Variants in MYL4 observed in about 807,000 individuals in gnomAD.
MYL4 encodes atrial myosin light chain 1.
In MYL4, 16 loss-of-function variants were observed where a neutral mutation model predicts 21.6. The observed-to-expected ratio is 0.74, with a 90% CI of 0.50 to 1.12. The LOEUF is 1.12. MYL4 is among the 50% of genes most tolerant of loss of function. The probability of loss-of-function intolerance (pLI) is 0.00; values close to 1 mark genes in which losing one functional copy is unlikely to be tolerated. For synonymous variants in MYL4, 82 were observed against 95.7 expected (o/e 0.86, Z 0.83); for missense variants, 249 against 252.9 (o/e 0.98, Z 0.11).
chr17:47,199,892 T>C (rs139374459), upstream of MYL4, among the ~76,000 whole-genome samples: 2,355 of 151,530 alleles, frequency 0.016, 48 homozygotes, highest in African/African-American at 0.05. Flanking sequence ...TGTGCCACCA[T>C]ACCTGGCTAA....
upstream of MYL4, among the ~76,000 whole-genome samples, chr17:47,199,550 GT>G (rs1437141183): frequency 6.6e-6 from 1 of 151,968 alleles, no homozygotes; most frequent in Non-Finnish European, 1.5e-5. Flanking sequence ...ACTGTCTGGT[GT>G]AGAGGATGCA....
chr17:47,193,611 C>T, the MYL4 span, among the ~76,000 whole-genome samples: 2 of 152,136 alleles, frequency 1.3e-5, no homozygotes, highest in African/African-American at 2.4e-5. Flanking sequence ...GCTCCTCTGC[C>T]AGCCCCTTTA....
At chr17:47,225,287 G>A (rs1461013092), downstream of MYL4, among the ~76,000 whole-genome samples, 1 of 152,226 alleles carries the variant, frequency 6.6e-6, no homozygotes, top group Non-Finnish European at 1.5e-5. Context: ...TTTCTTTGAG[G>A]AAGGGTTTCA....
chr17:47,220,164 C>T lies in MYL4; in HGVS notation c.313+111C>T, dbSNP rs547811554. On this transcript the variant is annotated intron_variant, in intron 3 of 6. Coordinates refer to ENST00000393450, the MANE Select transcript of MYL4 (RefSeq NM_002476.2). ...TGCACTCTCTCTTCTCCTGCTTTAG[C>T]CCCTCAGGACCAGCCTCACCTACCC... The T allele has an allele frequency of 4.1e-5, 55 of 1,332,440 alleles. No homozygotes were observed. The Admixed American group carries it at 1.2e-3, about 29-fold the overall frequency. The allele number at this position is 1,332,440 out of a possible 1,614,324, so 82.5% of individuals were successfully genotyped here.
At chr17:47,213,462 C>T (rs1166696380) in intron 1 of MYL4, among the ~76,000 whole-genome samples, 1 of 152,112 alleles carries the variant, frequency 6.6e-6, no homozygotes. Flanking sequence ...ACTTATAATA[C>T]CTAGTACAAT....
chr17:47,227,145 C>T (rs761211188), downstream of MYL4, among the ~76,000 whole-genome samples: 9 of 152,126 alleles, frequency 5.9e-5, no homozygotes, highest in South Asian at 4.1e-4. Context: ...TGTGAGCCAC[C>T]GCGCCCAGCC....
the MYL4 span, among the ~76,000 whole-genome samples, chr17:47,195,078 G>A: frequency 2.5e-5 from 3 of 121,008 alleles, no homozygotes; most frequent in African/African-American, 9.9e-5. Flanking sequence ...TTTTTTTTGA[G>A]ACAGAGTCTC....
chr17:47,212,768 G>A (rs2064785638), intron 1 of MYL4, among the ~76,000 whole-genome samples: 1 of 152,166 alleles, frequency 6.6e-6, no homozygotes, highest in Non-Finnish European at 1.5e-5. Flanking sequence ...GTCATGTTTG[G>A]GGATTTGGCT....
chr17:47,222,949 G>C, intron 5 of MYL4, 65 bp from the exon 6 acceptor site: 1 of 1,598,212 alleles, frequency 6.3e-7, no homozygotes, highest in Middle Eastern at 1.7e-4. Context: ...GTAGAGAAGG[G>C]ACAAGTGGTT....
upstream of MYL4, among the ~76,000 whole-genome samples, chr17:47,205,943 C>G (rs1312520755): frequency 6.6e-6 from 1 of 152,180 alleles, no homozygotes. Context: ...GGACCTCTCT[C>G]TGGAAGTTCC....
At chr17:47,197,244 G>A (rs1476004724), upstream of MYL4, among the ~76,000 whole-genome samples, 1 of 151,832 alleles carries the variant, frequency 6.6e-6, no homozygotes, top group African/African-American at 2.4e-5. Context: ...GACTATAGGC[G>A]CCCGCCACCA....
chr17:47,202,528 T>C (rs933060767), intron 1 of MYL4, among the ~76,000 whole-genome samples: 1 of 152,218 alleles, frequency 6.6e-6, no homozygotes, highest in African/African-American at 2.4e-5. Context: ...AACTACTTCA[T>C]ATTAGTCATA....
At chr17:47,203,806 G>A (rs775393784) in intron 1 of MYL4, among the ~76,000 whole-genome samples, 1 of 152,184 alleles carries the variant, frequency 6.6e-6, no homozygotes, top group Non-Finnish European at 1.5e-5. Context: ...GTTGAAGGCT[G>A]GGGGTGAATG....
chr17:47,207,022 G>C (rs2149039637), upstream of MYL4, among the ~76,000 whole-genome samples: 1 of 152,254 alleles, frequency 6.6e-6, no homozygotes, highest in South Asian at 2.1e-4. Flanking sequence ...AGGGATTATA[G>C]AAGAGTGCGA....
chr17:47,209,364 G>C lies in MYL4; in HGVS notation c.-59G>C. ...CAGGCTCCTATCTCATCTCCCAGAC[G>C]CCACGTCTCTCGGTTTCTTCTTAGA... On this transcript the variant is annotated 5_prime_UTR_variant, in exon 1 of 7. Coordinates refer to ENST00000393450, the MANE Select transcript of MYL4 (RefSeq NM_002476.2). 6.2e-7 allele frequency: 1 copy of C among 1,611,440 alleles called. No homozygotes were observed. Among genetic ancestry groups the C allele is most frequent in the East Asian group, 2.2e-5 (1 of 44,870 alleles).
intron 1 of MYL4, among the ~76,000 whole-genome samples, chr17:47,210,246 T>C (rs2064764064): frequency 6.6e-6 from 1 of 152,176 alleles, no homozygotes; most frequent in East Asian, 1.9e-4. Context: ...AAGCTGGGCC[T>C]GGTTCCTTTG....
chr17:47,194,976 A>T, the MYL4 span, among the ~76,000 whole-genome samples: 1 of 150,596 alleles, frequency 6.6e-6, no homozygotes, highest in Non-Finnish European at 1.5e-5. Context: ...CCTGAGCTCA[A>T]GTGGTCCACC....
chr17:47,198,603 T>C (rs2149037169), upstream of MYL4, among the ~76,000 whole-genome samples: 1 of 152,322 alleles, frequency 6.6e-6, no homozygotes, highest in Admixed American at 6.5e-5. Context: ...TTGTTACAGA[T>C]ATGTGATTTG....
At position 47,220,047 on chromosome 17, in the gene MYL4, C is replaced by T. The variant is rs764678212; in HGVS notation, c.307C>T (p.Pro103Ser). 6.2e-7 allele frequency: 1 copy of T among 1,612,706 alleles called. No individual in the cohort carries two copies. Among genetic ancestry groups the T allele is most frequent in the African/African-American group, 1.3e-5 (1 of 75,054 alleles). ...GCTGCGTGTGCTGGGCAAGCCCAAG[C>T]CTGAAGGTCAGTGCGGCTGCATGGC... is the stretch of plus-strand genomic sequence containing the variant. ...EVLRVLGKPK[P>S]EEMNVKMLDF... Residue 103 changes from proline to serine, a missense_variant, in exon 3 of 7, where the codon CCT (proline) becomes TCT (serine). Transcript: ENST00000393450.
Sources: allele counts gnomAD v4.1 joint callset (sites outside exome capture counted in the v4.1 genomes callset), GRCh38; gene constraint gnomAD v4.1.1; transcripts MANE v1.5; gene names NCBI Gene and HGNC (gene_info 2026-07-23, HGNC 2026-07-21).